Variants in SYN3 observed in about 807,000 individuals in gnomAD.
The protein encoded by SYN3 is synapsin-3.
In SYN3, 35 loss-of-function variants were observed where a neutral mutation model predicts 65.8. The observed-to-expected ratio is 0.53, with a 90% CI of 0.41 to 0.70. SYN3 has a LOEUF of 0.70. SYN3 is among the 30% of genes least tolerant of loss of function. SYN3 has a pLI of 0.00. For synonymous variants in SYN3, 270 were observed against 292.9 expected, an observed-to-expected ratio of 0.92 and a Z score of 0.80; for missense variants, 680 against 749.0, an observed-to-expected ratio of 0.91 and a Z score of 1.08.
At chr22:32,734,513 G>GCAGACAGACAGAGAGA (rs1555941122) in intron 6 of SYN3, among the ~76,000 whole-genome samples, 20 of 151,442 alleles carry the variant, frequency 1.3e-4, no homozygotes, top group Admixed American at 4.6e-4. Context: ...AGGCAGGCAG[G>GCAGACAGACAGAGAGA]CAGACAGACA....
At chr22:32,634,845 C>T (rs1421899821) in intron 6 of SYN3, among the ~76,000 whole-genome samples, 2 of 152,154 alleles carry the variant, frequency 1.3e-5, no homozygotes, top group African/African-American at 2.4e-5. Flanking sequence ...ACTTGTGGCC[C>T]GCCGGCCATG....
Position 32,752,027 on chromosome 22 carries a change from T to C in SYN3, c.711+112888A>G, listed in dbSNP as rs142984530. Among the ~76,000 whole-genome samples the C allele has an allele frequency of 8.1e-3, 1,236 of 152,324 alleles. 13 individuals carry two copies. The highest frequency in any genetic ancestry group is 0.027 in the African/African-American group (1,124 of 41,568). ...TATCTGCCACTTCCTCATTAGATGATAACCTCTTGAGGGCAAGATTTGTTG... is the reference window on the plus strand; with the variant it reads ...TATCTGCCACTTCCTCATTAGATGACAACCTCTTGAGGGCAAGATTTGTTG... On this transcript the variant is annotated intron_variant, in intron 6 of 13. Coordinates refer to ENST00000358763, the MANE Select transcript of SYN3 (RefSeq NM_003490.4).
intron 6 of SYN3, among the ~76,000 whole-genome samples, chr22:32,622,818 G>A (rs904755638): frequency 5.1e-4 from 77 of 151,824 alleles, no homozygotes; most frequent in Admixed American, 8.5e-4. Flanking sequence ...AAAGGGGGCT[G>A]AGACACTCTT....
chr22:32,564,766 T>C lies in SYN3; in HGVS notation c.775-23053A>G, dbSNP rs1420803239. Among the ~76,000 whole-genome samples, 23 of 118,048 alleles carry C rather than the reference T, an allele frequency of 1.9e-4. No individual in the cohort carries two copies. In the South Asian group the frequency reaches 6.5e-3, roughly 33 times the overall value. 77.4% of individuals were successfully genotyped at this position (118,048 alleles called of 152,430 possible). ...CTGGGCTGCACCCAGTGCTCCCGCA[T>C]TGTACCCAAACAGTGCTCCTGGGCT... is the stretch of plus-strand genomic sequence containing the variant. On this transcript the variant is annotated intron_variant, in intron 7 of 13. Transcript: ENST00000358763.
chr22:32,592,184 GT>G (rs2059136869), intron 7 of SYN3, among the ~76,000 whole-genome samples: 1 of 152,146 alleles, frequency 6.6e-6, no homozygotes, highest in Admixed American at 6.5e-5. Flanking sequence ...ACAATTTTTT[GT>G]CGTGGGAAGC....
chr22:32,571,380 T>C (rs932365967), intron 7 of SYN3, among the ~76,000 whole-genome samples: 21 of 152,160 alleles, frequency 1.4e-4, no homozygotes, highest in Admixed American at 7.2e-4. Context: ...TTCCAGGAGC[T>C]TGGATTTATG....
At chr22:32,581,204 G>C (rs1452557710) in intron 7 of SYN3, among the ~76,000 whole-genome samples, 2 of 152,148 alleles carry the variant, frequency 1.3e-5, no homozygotes. Flanking sequence ...CTGCCTCCCA[G>C]GTTCAAATAA....
At chr22:32,694,318 C>A (rs555721802) in intron 6 of SYN3, among the ~76,000 whole-genome samples, 27 of 152,318 alleles carry the variant, frequency 1.8e-4, no homozygotes, top group African/African-American at 5.3e-4. Flanking sequence ...TAAGCCATTT[C>A]TTTTTATTCT....
chr22:32,917,851 G>A (rs962895540), intron 4 of SYN3, among the ~76,000 whole-genome samples: 1 of 152,236 alleles, frequency 6.6e-6, no homozygotes, highest in African/African-American at 2.4e-5. Context: ...TCTTTCTTGT[G>A]CTGCTCTCTT....
chr22:32,703,853 T>TA (rs2060843585), intron 6 of SYN3, among the ~76,000 whole-genome samples: 1 of 152,216 alleles, frequency 6.6e-6, no homozygotes, highest in African/African-American at 2.4e-5. Context: ...ATAGTCTATT[T>TA]ATTTCAAATG....
At chr22:33,008,924 C>CAAAA (rs201719238) in intron 1 of SYN3, among the ~76,000 whole-genome samples, 54 of 57,054 alleles carry the variant, frequency 9.5e-4, no homozygotes, top group East Asian at 1.5e-3. Flanking sequence ...GACTTTATCT[C>CAAAA]AAAAAAAAAA....
chr22:32,938,010 C>G (rs1014096640), intron 3 of SYN3, among the ~76,000 whole-genome samples: 15 of 152,096 alleles, frequency 9.9e-5, no homozygotes, highest in Middle Eastern at 3.4e-3. Context: ...CTGGACCTAA[C>G]AAGTTCAATG....
At chr22:32,935,246 G>A (rs956125342) in intron 3 of SYN3, among the ~76,000 whole-genome samples, 3 of 151,786 alleles carry the variant, frequency 2.0e-5, no homozygotes, top group Non-Finnish European at 2.9e-5. Flanking sequence ...AAAAACATGC[G>A]CATAGAAATC....
intron 6 of SYN3, among the ~76,000 whole-genome samples, chr22:32,637,664 G>T (rs1238848978): frequency 8.1e-5 from 10 of 123,148 alleles, no homozygotes; most frequent in Non-Finnish European, 1.3e-4. Flanking sequence ...TTGAGACAGG[G>T]TCTCATTCTG....
At position 32,731,986 on chromosome 22, in the gene SYN3, C is replaced by T. The variant is rs114630601; in HGVS notation, c.711+132929G>A. Among the ~76,000 whole-genome samples the T allele has an allele frequency of 3.9e-5, 6 of 152,242 alleles. No homozygotes were observed. In the South Asian group the frequency reaches 8.3e-4, roughly 21 times the overall value. ...AAGGCCTATGTGCAATGTTTTGAGG[C>T]GACTGAGAAAATGCATGCAAAGAGC... On this transcript the variant is annotated intron_variant, in intron 6 of 13. Transcript: ENST00000358763.
At chr22:32,911,014 C>T (rs779254981) in intron 4 of SYN3, among the ~76,000 whole-genome samples, 38 of 152,188 alleles carry the variant, frequency 2.5e-4, no homozygotes, top group Non-Finnish European at 4.6e-4. Flanking sequence ...TCTTAACACC[C>T]TGCCTAAACT....
intron 12 of SYN3, among the ~76,000 whole-genome samples, chr22:32,521,866 T>A (rs984383189): frequency 6.6e-6 from 1 of 152,200 alleles, no homozygotes; most frequent in South Asian, 2.1e-4. Context: ...CTTCCCAGGT[T>A]GATATCTTAG....
chr22:32,661,061 T>C (rs1019957418), intron 6 of SYN3, among the ~76,000 whole-genome samples: 1 of 152,218 alleles, frequency 6.6e-6, no homozygotes, highest in South Asian at 2.1e-4. Flanking sequence ...GTGGAGAGGA[T>C]AGAAATTCCG....
chr22:32,951,203 TC>T (rs2051279748), intron 3 of SYN3, among the ~76,000 whole-genome samples: 1 of 152,114 alleles, frequency 6.6e-6, no homozygotes, highest in African/African-American at 2.4e-5. Flanking sequence ...TCCCCCTAGT[TC>T]CGACTTGCTC....
Sources: gnomAD v4.1 joint callset for allele counts (sites outside exome capture counted in the v4.1 genomes callset) on GRCh38, gnomAD v4.1.1 for gene constraint, MANE v1.5 for transcripts, NCBI Gene and HGNC (gene_info 2026-07-23, HGNC 2026-07-21) for gene names.